Variants in CAD observed in about 807,000 individuals in gnomAD.
The protein encoded by CAD is carbamoyl-phosphate synthetase 2, aspartate transcarbamylase, and dihydroorotase, also known as multifunctional protein CAD.
Under a neutral mutation model 237.2 loss-of-function variants are expected in CAD, and 81 were observed. That is an observed-to-expected ratio of 0.34 (90% CI 0.29 to 0.41). CAD has a LOEUF of 0.41. Among genes scored for constraint, CAD ranks in the 10% least tolerant of loss-of-function variants. The pLI, the probability that CAD is intolerant of heterozygous loss-of-function variation, is 1.00. For synonymous variants in CAD, 1,196 were observed against 1,162.8 expected (o/e 1.03, Z -0.58); for missense variants, 2,181 against 2,951.7 (o/e 0.74, Z 6.05).
chr2:27,231,565 A>G lies in CAD; in HGVS notation c.2385A>G (p.Lys795=), dbSNP rs1558535999. The change falls in exon 16 of 44, where the codon AAA becomes AAG. Residue 795 remains lysine (K), a synonymous_variant. Transcript: ENST00000264705. ...ENCVGFDHTV[K]PVSDMELETP... is the part of the protein sequence containing the mutation. ...GTGTGGGCTTTGATCACACAGTGAA[A>G]CCAGTCAGCGATATGGTAAGTAGCT... 3 of 1,611,254 alleles carry G rather than the reference A, an allele frequency of 1.9e-6. No homozygotes were observed. Among genetic ancestry groups the G allele is most frequent in the Non-Finnish European group, 8.5e-7 (1 of 1,177,560 alleles).
In CAD at chr2:27,222,993, C is replaced by G; in HGVS notation, c.765C>G (p.His255Gln). The change falls in exon 6 of 44, where the codon CAC (histidine) becomes CAG (glutamine). Residue 255 changes from histidine to glutamine, a missense_variant. This residue lies in a region of CAD where 314 missense variants were observed against 339.4 expected (regional missense o/e 0.93). Transcript: ENST00000264705. The stretch of plus-strand genomic sequence containing the variant: ...CTGTCTTTGGGATCTGCCTGGGACA[C>G]CAGCTATTGGCCTTAGCCATTGGGG... The part of the protein sequence containing the change: ...PRPVFGICLG[H>Q]QLLALAIGAK... 2 of 1,614,190 alleles carry G rather than the reference C, an allele frequency of 1.2e-6. No individual in the cohort carries two copies. The highest frequency in any genetic ancestry group is 1.7e-6 in the Non-Finnish European group (2 of 1,180,028).
At chr2:27,217,855 C>T (rs1242083157) in intron 1 of CAD, 22 bp from the exon 2 acceptor site, 3 of 1,578,920 alleles carry the variant, frequency 1.9e-6, no homozygotes, top group East Asian at 2.3e-5. Flanking sequence ...TACCGGAGCC[C>T]AGCCCTGCTT....
chr2:27,231,688 C>A, intron 16 of CAD, 108 bp downstream of exon 16: 1 of 734,224 alleles, frequency 1.4e-6, no homozygotes, highest in Non-Finnish European at 2.3e-6. Flanking sequence ...CATCATTGGA[C>A]ATTTGCTTTG....
Position 27,241,464 on chromosome 2 carries a change from G to A in CAD, c.5883+68G>A, listed in dbSNP as rs72817512. The A allele has an allele frequency of 0.016, 23,023 of 1,482,168 alleles. 447 individuals carry two copies. The highest frequency in any genetic ancestry group is 0.093 in the African/African-American group (6,702 of 72,256). The allele number at this position is 1,482,168 out of a possible 1,614,324, so 91.8% of individuals were successfully genotyped here. ...CCTTGGGCCGCATCAGCGCAGGGCCGCGCAGTGGTCAGAGTGGGTCTTCCT... is the reference window on the plus strand; with the variant it reads ...CCTTGGGCCGCATCAGCGCAGGGCCACGCAGTGGTCAGAGTGGGTCTTCCT... On this transcript the variant is annotated intron_variant, in intron 38 of 43. Coordinates refer to ENST00000264705, the MANE Select transcript of CAD (RefSeq NM_004341.5). This position sits in a 1 kb window ranked among gnomAD's most constrained non-coding sequence, Gnocchi z 4.6.
chr2:27,239,688 T>C lies in CAD; in HGVS notation c.5395-9T>C. On this transcript the variant is annotated splice_polypyrimidine_tract_variant and intron_variant, in intron 33 of 43. Transcript: ENST00000264705. This position sits in a 1 kb window ranked among gnomAD's most constrained non-coding sequence, Gnocchi z 4.0. ...GCTCCCTCCTGAGTGCCCTGCCTTC[T>C]GCCTGCAGGTTCTGGTACCCCCGGG... 1 of 1,569,798 alleles carries C rather than the reference T, an allele frequency of 6.4e-7. No individual in the cohort carries two copies. The highest frequency in any genetic ancestry group is 1.2e-5 in the South Asian group (1 of 84,986).
chr2:27,237,655 G>T lies in CAD; in HGVS notation c.4564-63G>T. On this transcript the variant is annotated intron_variant, in intron 28 of 43. Coordinates refer to ENST00000264705, the MANE Select transcript of CAD (RefSeq NM_004341.5). The surrounding 1 kb of genome is among the most constrained non-coding windows in gnomAD (Gnocchi z 4.0). ...CCCGCCCTATGGGCCCAGGCCACTG[G>T]TGCCAGGCTAGCCTGTGTGGGCATG... 1.3e-6 allele frequency: 2 copies of T among 1,577,342 alleles called. No homozygotes were observed. Among genetic ancestry groups the T allele is most frequent in the Non-Finnish European group, 1.7e-6 (2 of 1,159,316 alleles).
chr2:27,230,983 T>C (rs1055784998), intron 15 of CAD, among the ~76,000 whole-genome samples: 2 of 152,220 alleles, frequency 1.3e-5, no homozygotes, highest in African/African-American at 4.8e-5. Context: ...GAGCTATAAG[T>C]TAAGATTTCT....
intron 4 of CAD, 23 bp from the exon 5 acceptor site, chr2:27,222,496 C>T: frequency 3.1e-6 from 5 of 1,611,038 alleles, no homozygotes; most frequent in Non-Finnish European, 4.2e-6. Flanking sequence ...CCAACTGTTG[C>T]CCTTTATTCG....
chr2:27,222,261 G>A lies in CAD; in HGVS notation c.420G>A (p.Gln140=). 1.2e-6 allele frequency: 2 copies of A among 1,614,078 alleles called. No homozygotes were observed. Among genetic ancestry groups the A allele is most frequent in the Non-Finnish European group, 1.7e-6 (2 of 1,179,988 alleles). Residue 140 remains glutamine (Q), a synonymous_variant, in exon 4 of 44, where the codon CAG becomes CAA. Coordinates refer to ENST00000264705, the MANE Select transcript of CAD (RefSeq NM_004341.5). ...EQGSLLGKLV[Q]NGTEPSSLPF... ...GGTCTCTGCTGGGGAAGCTGGTCCA[G>A]AATGGAACAGAACCTTCATCCCTGC...
chr2:27,242,526 C>T lies in CAD; in HGVS notation c.6223-94C>T, dbSNP rs1676371503. On this transcript the variant is annotated intron_variant, in intron 40 of 43. Coordinates refer to ENST00000264705, the MANE Select transcript of CAD (RefSeq NM_004341.5). This position sits in a 1 kb window ranked among gnomAD's most constrained non-coding sequence, Gnocchi z 6.4. ...GTACAGGACAGCTGCATCAAGGAGG[C>T]CTTCATTCTGCTCCAGAGGCTTTTA... The T allele has an allele frequency of 2.6e-6, 4 of 1,555,858 alleles. No homozygotes were observed. The highest frequency in any genetic ancestry group is 1.8e-5 in the Admixed American group (1 of 55,960).
In CAD at chr2:27,232,090, G is replaced by C; in HGVS notation, c.2511G>C (p.Leu837=). 6.2e-7 allele frequency: 1 copy of C among 1,614,250 alleles called. No homozygotes were observed. Among genetic ancestry groups the C allele is most frequent in the Non-Finnish European group, 8.5e-7 (1 of 1,180,052 alleles). The change falls in exon 17 of 44, where the codon CTG becomes CTC. Residue 837 remains leucine, a synonymous_variant. Coordinates refer to ENST00000264705, the MANE Select transcript of CAD (RefSeq NM_004341.5). This position sits in a 1 kb window ranked among gnomAD's most constrained non-coding sequence, Gnocchi z 4.1. ...TCACACGCATCGACCGCTGGTTCCT[G>C]CACCGAATGAAGCGTATCATCGCAC... ...YELTRIDRWF[L]HRMKRIIAHA...
intron 16 of CAD, 74 bp from the exon 17 acceptor site, chr2:27,231,906 A>G: frequency 4.4e-6 from 7 of 1,574,192 alleles, no homozygotes; most frequent in Non-Finnish European, 6.1e-6. Context: ...TTCCTGAGAC[A>G]AGAGCAGCTA....
Position 27,217,403 on chromosome 2 carries a change from T to A in CAD, c.-149T>A. 2.8e-6 allele frequency: 2 copies of A among 724,218 alleles called. No homozygotes were observed. Among genetic ancestry groups the A allele is most frequent in the Non-Finnish European group, 4.9e-6 (2 of 410,356 alleles). 44.9% of individuals were successfully genotyped at this position (724,218 alleles called of 1,614,324 possible). On this transcript the variant is annotated 5_prime_UTR_variant, in exon 1 of 44. Coordinates refer to ENST00000264705, the MANE Select transcript of CAD (RefSeq NM_004341.5). ...TGCTGCCGCCAAGCGCGCCCGAGGCTCCTACGCTGCCGCGCCCGGCTTCTC... is the reference window on the plus strand; with the variant it reads ...TGCTGCCGCCAAGCGCGCCCGAGGCACCTACGCTGCCGCGCCCGGCTTCTC...
At position 27,217,452 on chromosome 2, in the gene CAD, A is replaced by C; in HGVS notation, c.-100A>C. On this transcript the variant is annotated 5_prime_UTR_variant, in exon 1 of 44. Coordinates refer to ENST00000264705, the MANE Select transcript of CAD (RefSeq NM_004341.5). ...TCTCCAGCGCCCCGCGCCGTTAGCC[A>C]CGTGGACCGACTCCGGCGCGCCGTC... 9.5e-7 allele frequency: 1 copy of C among 1,049,432 alleles called. No homozygotes were observed. The highest frequency in any genetic ancestry group is 1.4e-6 in the Non-Finnish European group (1 of 692,088). 65.0% of individuals were successfully genotyped at this position (1,049,432 alleles called of 1,614,324 possible).
rs574987024 is a variant in CAD, at chr2:27,236,915, G to A, written c.4396+85G>A. The A allele has an allele frequency of 5.3e-6, 6 of 1,123,124 alleles. No individual in the cohort carries two copies. Among genetic ancestry groups the A allele is most frequent in the South Asian group, 3.7e-5 (3 of 80,912 alleles). 69.6% of individuals were successfully genotyped at this position (1,123,124 alleles called of 1,614,324 possible). A position where few individuals can be genotyped will look rare whatever the true frequency, so the allele number is the denominator to read the frequency against. ...CAGTGTGGTGAAGGATGGCTGGGGG[G>A]CCCACTCTTTGTCCTGGACTGCACA... On this transcript the variant is annotated intron_variant, in intron 27 of 43. Coordinates refer to ENST00000264705, the MANE Select transcript of CAD (RefSeq NM_004341.5). This position sits in a 1 kb window ranked among gnomAD's most constrained non-coding sequence, Gnocchi z 4.1.
chr2:27,238,662 C>T, intron 31 of CAD, 30 bp downstream of exon 31: 2 of 1,573,292 alleles, frequency 1.3e-6, no homozygotes, highest in Non-Finnish European at 8.6e-7. Flanking sequence ...ACCTCCTCTG[C>T]CCAGTGGGGC....
In CAD at chr2:27,241,204, G is replaced by A. The variant is rs758739162; in HGVS notation, c.5785G>A (p.Val1929Ile). 19 of 1,612,388 alleles carry A rather than the reference G, an allele frequency of 1.2e-5. No individual in the cohort carries two copies. The highest frequency in any genetic ancestry group is 2.2e-5 in the East Asian group (1 of 44,882). The change falls in exon 37 of 44, where the codon GTC becomes ATC. Residue 1929 changes from valine (V) to isoleucine (I), a missense_variant. This residue lies in a region of CAD where 203 missense variants were observed against 284.5 expected (regional missense o/e 0.71). Transcript: ENST00000264705. The surrounding 1 kb of genome is among the most constrained non-coding windows in gnomAD (Gnocchi z 4.6). Reference sequence around the variant, plus strand: ...ATTAGTGGGCCAACATATCCTGTCCGTCCAGCAGTTCACCAAGGATCAGGT... The same window carrying A: ...ATTAGTGGGCCAACATATCCTGTCCATCCAGCAGTTCACCAAGGATCAGGT... ...HSLVGQHILS[V>I]QQFTKDQMSH...
chr2:27,235,263 T>C lies in CAD; in HGVS notation c.3805T>C (p.Ser1269Pro). Residue 1269 changes from serine (S) to proline (P), a missense_variant, in exon 24 of 44, where the codon TCC becomes CCC. By Grantham distance (74) the Ser-to-Pro change is moderately conservative. Transcript: ENST00000264705. The surrounding 1 kb of genome is among the most constrained non-coding windows in gnomAD (Gnocchi z 5.2). ...CCTTTAGGTGCCTCAGTTCTCCTTC[T>C]CCCGCTTGGCGGGTGCTGACGTGGT... The part of the protein sequence containing the change: ...VGVKVPQFSF[S>P]RLAGADVVLG... 6.2e-7 allele frequency: 1 copy of C among 1,609,982 alleles called. No individual in the cohort carries two copies. The highest frequency in any genetic ancestry group is 8.5e-7 in the Non-Finnish European group (1 of 1,178,152).
rs2148057162 is a variant in CAD, at chr2:27,221,263, G to A, written c.268G>A (p.Glu90Lys). The A allele has an allele frequency of 6.3e-7, 1 of 1,586,098 alleles. No homozygotes were observed. Among genetic ancestry groups the A allele is most frequent in the Non-Finnish European group, 8.6e-7 (1 of 1,165,260 alleles). ...CCACGTAGCAGCACTGGTAGTGGGA[G>A]AGTGCTGTCCTACTCCCAGCCACTG... is the stretch of plus-strand genomic sequence containing the variant. The part of the protein sequence containing the change: ...GIHVAALVVG[E>K]CCPTPSHWSA... Residue 90 changes from glutamate to lysine, a missense_variant, in exon 3 of 44, where the codon GAG becomes AAG. Around this residue, in one of 12 missense-constraint regions of CAD, gnomAD observed 314 missense variants for 339.4 expected, o/e 0.93. Transcript: ENST00000264705.
Sources: gnomAD v4.1 joint callset for allele counts (sites outside exome capture counted in the v4.1 genomes callset) on GRCh38, gnomAD v4.1.1 for gene constraint, gnomAD v4.1.1 regional missense constraint, Gnocchi (gnomAD v3.1) non-coding constraint, MANE v1.5 for transcripts, NCBI Gene and HGNC (gene_info 2026-07-23, HGNC 2026-07-21) for gene names.